Variants in SAMMSON observed in about 807,000 individuals in gnomAD.
The protein encoded by SAMMSON is survival associated mitochondrial melanoma specific oncogenic non-coding RNA, also known as long intergenic non-protein coding RNA 1212.
chr3:70,359,970 A>G (rs1229028853), intron 9 of SAMMSON, among the ~76,000 whole-genome samples: 3 of 152,052 alleles, frequency 2.0e-5, no homozygotes, highest in Non-Finnish European at 2.9e-5. Context: ...ATCACGGTGG[A>G]ATATTTTTTA....
intron 7 of SAMMSON, among the ~76,000 whole-genome samples, chr3:70,341,029 T>A (rs1452421920): frequency 1.3e-5 from 2 of 152,282 alleles, no homozygotes; most frequent in East Asian, 3.9e-4. Flanking sequence ...GGCTGTGTAA[T>A]TAAAATGTGA....
At chr3:70,159,833 AGT>A (rs1266990461) in intron 4 of SAMMSON, among the ~76,000 whole-genome samples, 1 of 152,050 alleles carries the variant, frequency 6.6e-6, no homozygotes, top group Non-Finnish European at 1.5e-5. Context: ...CTGGAATTAC[AGT>A]GTGAGCCACC....
At position 70,201,434 on chromosome 3, in the gene SAMMSON, A is replaced by G. The variant is rs115972846; in HGVS notation, n.508-47673A>G. ...GGTATATATGTACCACATTTTCTTT[A>G]ACTAGTCTATCATTGATGGACATTT... is the stretch of plus-strand genomic sequence containing the variant. On this transcript the variant is annotated intron_variant and non_coding_transcript_variant, in intron 4 of 9. Transcript: ENST00000642114. Among the ~76,000 whole-genome samples the G allele has an allele frequency of 3.4e-3, 525 of 152,198 alleles. 4 individuals carry two copies. The highest frequency in any genetic ancestry group is 0.012 in the African/African-American group (511 of 41,524).
chr3:70,228,368 A>G (rs963586364), intron 4 of SAMMSON, among the ~76,000 whole-genome samples: 6 of 152,046 alleles, frequency 3.9e-5, no homozygotes, highest in Non-Finnish European at 7.4e-5. Flanking sequence ...CATCTTCAGG[A>G]TAGCTTTTCT....
intron 7 of SAMMSON, among the ~76,000 whole-genome samples, chr3:70,346,710 A>G (rs1200818250): frequency 6.6e-6 from 1 of 152,190 alleles, no homozygotes; most frequent in Non-Finnish European, 1.5e-5. Flanking sequence ...GGACTAAGTA[A>G]CATTTATATT....
At position 70,105,129 on chromosome 3, in the gene SAMMSON, G is replaced by T. The variant is rs371459677; in HGVS notation, n.507+33564G>T. Among the ~76,000 whole-genome samples the T allele has an allele frequency of 1.9e-4, 29 of 152,118 alleles. No individual in the cohort carries two copies. In the South Asian group the frequency reaches 2.5e-3, roughly 13 times the overall value. On this transcript the variant is annotated intron_variant and non_coding_transcript_variant, in intron 4 of 9. Transcript: ENST00000642114. Reference sequence around the variant, plus strand: ...TCATAGTCTCCAGACAGAATCAAGGGAAATGTAACCCCAATTTTAAAAGAT... The same window carrying T: ...TCATAGTCTCCAGACAGAATCAAGGTAAATGTAACCCCAATTTTAAAAGAT...
At chr3:70,353,911 A>G (rs552202855) in intron 7 of SAMMSON, among the ~76,000 whole-genome samples, 1 of 152,280 alleles carries the variant, frequency 6.6e-6, no homozygotes, top group East Asian at 1.9e-4. Flanking sequence ...ATCTTAATCA[A>G]TTTCCAGGGA....
At chr3:70,164,261 C>G (rs540606825) in intron 4 of SAMMSON, among the ~76,000 whole-genome samples, 2 of 152,102 alleles carry the variant, frequency 1.3e-5, no homozygotes, top group South Asian at 4.2e-4. Context: ...CCTAATTTTT[C>G]TGAACCACAG....
intron 3 of SAMMSON, chr3:70,014,810 A>G (rs1024718877): frequency 6.6e-6 from 1 of 152,176 alleles, no homozygotes; most frequent in African/African-American, 2.4e-5. Context: ...ATCTTTGTAT[A>G]TATCTCAAGA....
intron 7 of SAMMSON, among the ~76,000 whole-genome samples, chr3:70,342,808 T>C (rs1702721610): frequency 6.6e-6 from 1 of 152,184 alleles, no homozygotes; most frequent in African/African-American, 2.4e-5. Context: ...TTTGTCTAGG[T>C]CTCTTTCATC....
chr3:70,114,559 T>A (rs76341315), intron 4 of SAMMSON, among the ~76,000 whole-genome samples: 4,543 of 152,322 alleles, frequency 0.03, 158 homozygotes, highest in East Asian at 0.19. Flanking sequence ...AGGGTAGAAA[T>A]CATTTAGTTT....
intron 4 of SAMMSON, among the ~76,000 whole-genome samples, chr3:70,197,400 C>A (rs1441419696): frequency 3.3e-5 from 5 of 152,176 alleles, no homozygotes; most frequent in African/African-American, 1.2e-4. Context: ...CTGAGCATTT[C>A]CTATTGATTC....
rs35655379 is a variant in SAMMSON at position 70,174,760 on chromosome 3, A to AT, written n.508-74336dup. ...TCAATTAGGGTCAACAAGGTCTAAG[A>AT]TTTTTTTTTTTAGGCTGCCATCTAT... On this transcript the variant is annotated intron_variant and non_coding_transcript_variant, in intron 4 of 9. Transcript: ENST00000642114. Among the ~76,000 whole-genome samples the AT allele has an allele frequency of 1.7e-3, 251 of 150,240 alleles. 2 individuals are homozygous for AT. In the East Asian group the frequency reaches 0.03, roughly 18 times the overall value.
intron 9 of SAMMSON, among the ~76,000 whole-genome samples, chr3:70,381,977 C>G (rs1195888846): frequency 6.6e-6 from 1 of 152,088 alleles, no homozygotes; most frequent in Non-Finnish European, 1.5e-5. Flanking sequence ...TATTGCTAAT[C>G]TTGTTAGGTG....
At chr3:70,103,894 A>T (rs1374165257) in intron 4 of SAMMSON, among the ~76,000 whole-genome samples, 1 of 152,198 alleles carries the variant, frequency 6.6e-6, no homozygotes, top group Non-Finnish European at 1.5e-5. Flanking sequence ...TTCTTTTACA[A>T]TTAAGGTCAT....
intron 6 of SAMMSON, among the ~76,000 whole-genome samples, chr3:70,278,656 T>G (rs1202930204): frequency 1.3e-5 from 2 of 152,160 alleles, no homozygotes; most frequent in Admixed American, 6.5e-5. Context: ...ATGTCTTTTA[T>G]GTACAACTGA....
chr3:70,431,710 T>C (rs1192130762), intron 2 of SAMMSON, among the ~76,000 whole-genome samples: 2 of 152,024 alleles, frequency 1.3e-5, no homozygotes, highest in African/African-American at 2.4e-5. Flanking sequence ...AAACAAGATA[T>C]AGAATATTTC....
chr3:70,048,830 G>A (rs1325270099), intron 3 of SAMMSON, among the ~76,000 whole-genome samples: 1 of 152,096 alleles, frequency 6.6e-6, no homozygotes, highest in Non-Finnish European at 1.5e-5. Context: ...AGAAATTTGA[G>A]AGAAGACGGT....
At chr3:70,397,528 G>A (rs971905014) in intron 2 of SAMMSON, among the ~76,000 whole-genome samples, 2 of 151,996 alleles carry the variant, frequency 1.3e-5, no homozygotes, top group Admixed American at 6.6e-5. Flanking sequence ...TTGACTAAGG[G>A]GACATACAAT....
Sources: allele counts gnomAD v4.1 joint callset (sites outside exome capture counted in the v4.1 genomes callset), GRCh38; gene constraint gnomAD v4.1.1; transcripts MANE v1.5; gene names NCBI Gene and HGNC (gene_info 2026-07-23, HGNC 2026-07-21).